The following LTBP1 variants were observed in gnomAD, a reference collection of about 807,000 sequenced individuals.
LTBP1 encodes the protein latent-transforming growth factor beta-binding protein 1.
Under a neutral mutation model 207.6 loss-of-function variants are expected in LTBP1, and 129 were observed. The ratio of observed to expected loss-of-function variants is 0.62; its 90% CI spans 0.54 to 0.72. The LOEUF is 0.72. Among genes scored for constraint, LTBP1 ranks in the 30% least tolerant of loss-of-function variants. The pLI, the probability that LTBP1 is intolerant of heterozygous loss-of-function variation, is 0.00. For synonymous variants in LTBP1, 963 were observed against 833.7 expected (o/e 1.16, Z -2.67); for missense variants, 2,281 against 2,217.2 (o/e 1.03, Z -0.58).
intron 8 of LTBP1, among the ~76,000 whole-genome samples, chr2:33,219,002 C>T (rs79839760): frequency 0.021 from 3,227 of 152,228 alleles, 37 homozygotes; most frequent in Middle Eastern, 0.034. Flanking sequence ...CTCTTTCTTA[C>T]ATTATTTGTT....
chr2:33,364,396 A>G (rs781003562), intron 30 of LTBP1, 40 bp downstream of exon 30: 6 of 1,567,906 alleles, frequency 3.8e-6, no homozygotes, highest in South Asian at 2.4e-5. Flanking sequence ...CCAAATAACT[A>G]TCATAAGATT....
intron 4 of LTBP1, among the ~76,000 whole-genome samples, chr2:33,111,762 AGTGACCG>A (rs1270467079): frequency 4.6e-5 from 7 of 152,162 alleles, no homozygotes; most frequent in Admixed American, 2.6e-4. Context: ...AGTCCTGCTC[AGTGACCG>A]GTGGCTAGAC....
chr2:33,205,499 T>G (rs1352956354), intron 7 of LTBP1, among the ~76,000 whole-genome samples: 1 of 152,214 alleles, frequency 6.6e-6, no homozygotes, highest in African/African-American at 2.4e-5. Context: ...ATGTTAGAGG[T>G]GAGCAGAGGA....
chr2:33,022,454 C>T (rs748400023), intron 3 of LTBP1, among the ~76,000 whole-genome samples: 2 of 152,092 alleles, frequency 1.3e-5, no homozygotes, highest in African/African-American at 2.4e-5. Context: ...TTAGTAAGGG[C>T]TTACTATGTG....
intron 32 of LTBP1, among the ~76,000 whole-genome samples, chr2:33,392,305 C>A (rs2095321769): frequency 6.6e-6 from 1 of 152,022 alleles, no homozygotes; most frequent in Admixed American, 6.6e-5. Context: ...CTGCCTCAGC[C>A]TCCTGAGTAG....
chr2:33,281,969 C>T (rs1267211701), intron 19 of LTBP1, among the ~76,000 whole-genome samples: 1 of 151,492 alleles, frequency 6.6e-6, no homozygotes, highest in Admixed American at 6.6e-5. Flanking sequence ...AGCCCTGATT[C>T]ATGAATTTAT....
intron 2 of LTBP1, among the ~76,000 whole-genome samples, chr2:32,991,607 G>C (rs1371487011): frequency 6.6e-6 from 1 of 152,198 alleles, no homozygotes; most frequent in East Asian, 1.9e-4. Flanking sequence ...AAGTGACATG[G>C]GTAAAGTTTC....
At chr2:33,332,553 T>C (rs976965569) in intron 24 of LTBP1, among the ~76,000 whole-genome samples, 1 of 151,650 alleles carries the variant, frequency 6.6e-6, no homozygotes, top group Non-Finnish European at 1.5e-5. Context: ...TTATATACTT[T>C]ATTTATTTAA....
chr2:33,396,096 C>A (rs879845175), intron 32 of LTBP1, among the ~76,000 whole-genome samples: 5 of 151,888 alleles, frequency 3.3e-5, no homozygotes, highest in Non-Finnish European at 5.9e-5. Context: ...CTAGCTCTGA[C>A]TTGGTTTCAA....
At chr2:33,219,258 C>T (rs2090926136) in intron 8 of LTBP1, among the ~76,000 whole-genome samples, 1 of 152,032 alleles carries the variant, frequency 6.6e-6, no homozygotes, top group Admixed American at 6.6e-5. Context: ...GAGAATTTTC[C>T]AAGCAGATGT....
chr2:33,368,928 A>G (rs1308940388), intron 31 of LTBP1, among the ~76,000 whole-genome samples: 1 of 152,154 alleles, frequency 6.6e-6, no homozygotes, highest in Admixed American at 6.5e-5. Flanking sequence ...TTTACACTCA[A>G]TTTAATTGAC....
chr2:33,219,742 A>C (rs914518887), intron 8 of LTBP1, among the ~76,000 whole-genome samples: 1 of 151,788 alleles, frequency 6.6e-6, no homozygotes, highest in African/African-American at 2.4e-5. Context: ...TTTCATTTTC[A>C]TTTACCCCCT....
intron 28 of LTBP1, among the ~76,000 whole-genome samples, chr2:33,362,036 C>T (rs1400394014): frequency 1.3e-5 from 2 of 152,088 alleles, no homozygotes; most frequent in Non-Finnish European, 2.9e-5. Context: ...CCAAAGTAGA[C>T]ATGTTTTATG....
chr2:33,090,919 G>A (rs890770400), intron 3 of LTBP1, among the ~76,000 whole-genome samples: 1 of 152,198 alleles, frequency 6.6e-6, no homozygotes, highest in African/African-American at 2.4e-5. Context: ...TAGCAGTTGG[G>A]GCAGAATGTG....
chr2:33,098,831 A>G (rs2079545451), intron 3 of LTBP1, among the ~76,000 whole-genome samples: 1 of 152,234 alleles, frequency 6.6e-6, no homozygotes, highest in South Asian at 2.1e-4. Context: ...AAGTAGGGCA[A>G]CTAGCCTCAG....
chr2:33,105,427 T>C (rs968265136), intron 3 of LTBP1, among the ~76,000 whole-genome samples: 2 of 151,396 alleles, frequency 1.3e-5, no homozygotes, highest in African/African-American at 2.4e-5. Context: ...CTTCAAATCA[T>C]ATGTGATCTT....
At position 33,361,579 on chromosome 2, in the gene LTBP1, C is replaced by G. The variant is rs184225804; in HGVS notation, c.4270+64C>G. The G allele has an allele frequency of 1.4e-5, 17 of 1,187,330 alleles. 1 individual carries two copies. The African/African-American group carries it at 2.4e-4, about 17-fold the overall frequency. 73.5% of individuals were successfully genotyped at this position (1,187,330 alleles called of 1,614,324 possible). On this transcript the variant is annotated intron_variant, in intron 28 of 33. Transcript: ENST00000404816. Reference sequence around the variant, plus strand: ...TACATGTCAGATATTCAAGTGAAAACATGGCTTGGGTTTCACAGAATTAGA... The same window carrying G: ...TACATGTCAGATATTCAAGTGAAAAGATGGCTTGGGTTTCACAGAATTAGA...
intron 3 of LTBP1, among the ~76,000 whole-genome samples, chr2:33,083,528 G>C (rs1448226667): frequency 6.6e-6 from 1 of 152,046 alleles, no homozygotes; most frequent in Non-Finnish European, 1.5e-5. Context: ...GCAAACAGGA[G>C]AGGGGGGAAT....
chr2:33,278,767 G>A (rs1445581453), intron 18 of LTBP1, among the ~76,000 whole-genome samples: 2 of 152,126 alleles, frequency 1.3e-5, no homozygotes, highest in Non-Finnish European at 2.9e-5. Flanking sequence ...TTTGGAAAAT[G>A]AAACTGGCAA....
Sources: gnomAD v4.1 joint callset for allele counts (sites outside exome capture counted in the v4.1 genomes callset) on GRCh38, gnomAD v4.1.1 for gene constraint, MANE v1.5 for transcripts, NCBI Gene and HGNC (gene_info 2026-07-23, HGNC 2026-07-21) for gene names.